Variants in BRF1 observed in about 807,000 individuals in gnomAD.
The protein encoded by BRF1 is transcription factor IIIB 90 kDa subunit.
In BRF1, 59 loss-of-function variants were observed where a neutral mutation model predicts 81.7. That is an observed-to-expected ratio of 0.72 (90% CI 0.59 to 0.90). The LOEUF (loss-of-function observed/expected upper bound fraction) is 0.90. Ranked by LOEUF, BRF1 falls within the 40% of genes least tolerant of loss-of-function variation. The pLI is 0.00. For missense variants in BRF1, 1,050 were observed against 936.3 expected (o/e 1.12, Z -1.58); for synonymous variants, 491 against 395.6 (o/e 1.24, Z -2.86).
intron 2 of BRF1, among the ~76,000 whole-genome samples, chr14:105,282,887 C>T (rs55883508): frequency 0.26 from 38,804 of 151,996 alleles, 5,164 homozygotes; most frequent in South Asian, 0.28. Context: ...GAGCCCAGAT[C>T]GCGCCACTGC....
intron 5 of BRF1, chr14:105,246,793 GT>G: frequency 1.0e-6 from 1 of 983,050 alleles, no homozygotes; most frequent in Non-Finnish European, 1.2e-6. Flanking sequence ...AGTGCAAAGG[GT>G]GGTTTCTTTC....
rs1236937830 is a variant in BRF1, at chr14:105,210,330, C to CTGGGG, written c.*220_*221insCCCCA. On this transcript the variant is annotated 3_prime_UTR_variant, in exon 18 of 18. Coordinates refer to ENST00000547530, the MANE Select transcript of BRF1 (RefSeq NM_001519.4). The surrounding 1 kb of genome is among the most constrained non-coding windows in gnomAD (Gnocchi z 4.7). ...AGCCCTGCACACACCCGGCCCACAT[C>CTGGGG]TGATCACACACATGCAGACGCTTGG... The CTGGGG allele has an allele frequency of 1.4e-4, 84 of 582,494 alleles. No individual in the cohort carries two copies. The East Asian group carries it at 2.4e-3, about 17-fold the overall frequency. 36.1% of individuals were successfully genotyped at this position (582,494 alleles called of 1,614,324 possible).
At chr14:105,314,248 G>C (rs975538938) in intron 1 of BRF1, among the ~76,000 whole-genome samples, 7 of 151,844 alleles carry the variant, frequency 4.6e-5, no homozygotes, top group Non-Finnish European at 1.0e-4. Flanking sequence ...GCGGGGGTCG[G>C]CAGGAGACAA....
chr14:105,310,533 CAAAA>C (rs764203821), intron 1 of BRF1, among the ~76,000 whole-genome samples: 1 of 79,742 alleles, frequency 1.3e-5, no homozygotes. Flanking sequence ...GACTCTGTCT[CAAAA>C]AAAAAAAAAA....
chr14:105,305,946 G>C (rs141402842), upstream of BRF1, among the ~76,000 whole-genome samples: 1 of 152,264 alleles, frequency 6.6e-6, no homozygotes, highest in Non-Finnish European at 1.5e-5. Flanking sequence ...AGTGATCTCC[G>C]CTCTGGCTGT....
intron 2 of BRF1, 64 bp from the exon 3 acceptor site, chr14:105,272,958 G>A (rs909057409): frequency 2.2e-5 from 33 of 1,466,740 alleles, no homozygotes; most frequent in Middle Eastern, 1.8e-4. Context: ...AGTATCACAC[G>A]GCCACAGCAG....
intron 5 of BRF1, chr14:105,247,927 C>T (rs1311652689): frequency 1.0e-6 from 1 of 985,486 alleles, no homozygotes; most frequent in Non-Finnish European, 1.2e-6. Context: ...GCTAGAGGCC[C>T]CACAAGGAGC....
chr14:105,220,508 T>C (rs1892110559), intron 11 of BRF1, among the ~76,000 whole-genome samples: 1 of 152,174 alleles, frequency 6.6e-6, no homozygotes, highest in Admixed American at 6.5e-5. Flanking sequence ...TGGGGGTCTG[T>C]GCTCAGGGGA....
upstream of BRF1, among the ~76,000 whole-genome samples, chr14:105,302,521 C>T (rs2140622759): frequency 6.6e-6 from 1 of 150,472 alleles, no homozygotes; most frequent in South Asian, 2.1e-4. Context: ...TTAATTTCTG[C>T]TCTCATTTTT....
chr14:105,244,504 G>C (rs939310571), intron 5 of BRF1, among the ~76,000 whole-genome samples: 1 of 143,806 alleles, frequency 7.0e-6, no homozygotes, highest in African/African-American at 2.4e-5. Context: ...CAGTGACTAG[G>C]GTGGAGGAGG....
intron 1 of BRF1, among the ~76,000 whole-genome samples, chr14:105,296,612 C>T (rs587712867): frequency 2.9e-4 from 43 of 146,782 alleles, no homozygotes; most frequent in African/African-American, 3.8e-4. Flanking sequence ...ACCTGGGAGG[C>T]GGAGATTGCA....
intron 3 of BRF1, among the ~76,000 whole-genome samples, chr14:105,262,816 C>T (rs1298167591): frequency 6.6e-6 from 1 of 152,144 alleles, no homozygotes; most frequent in Non-Finnish European, 1.5e-5. Context: ...AGTGTCTCAG[C>T]TCGGGCCTCC....
intron 10 of BRF1, among the ~76,000 whole-genome samples, chr14:105,224,408 G>A (rs1156654544): frequency 6.6e-6 from 1 of 152,158 alleles, no homozygotes; most frequent in Non-Finnish European, 1.5e-5. Context: ...GCTCACCAGA[G>A]TGTATATTCA....
chr14:105,214,793 G>C (rs1375151319), intron 15 of BRF1, among the ~76,000 whole-genome samples: 1 of 152,204 alleles, frequency 6.6e-6, no homozygotes, highest in African/African-American at 2.4e-5. Flanking sequence ...TGCCTCCTCA[G>C]CTGAACCCCT....
At chr14:105,265,045 CTTTT>C (rs587772604) in intron 3 of BRF1, among the ~76,000 whole-genome samples, 5 of 135,176 alleles carry the variant, frequency 3.7e-5, no homozygotes, top group Non-Finnish European at 8.1e-5. Context: ...TCTACTTATC[CTTTT>C]TTTTGTTTTT....
intron 1 of BRF1, among the ~76,000 whole-genome samples, chr14:105,309,000 GACAA>G (rs2058272191): frequency 1.3e-5 from 2 of 151,982 alleles, no homozygotes; most frequent in African/African-American, 4.8e-5. Flanking sequence ...AAAAGAAAAA[GACAA>G]ACAAAACCTA....
intron 1 of BRF1, among the ~76,000 whole-genome samples, chr14:105,299,889 G>C (rs904255461): frequency 4.6e-5 from 7 of 152,224 alleles, no homozygotes; most frequent in Non-Finnish European, 5.9e-5. Flanking sequence ...TGTTCACACA[G>C]AGAGCTGCAA....
At chr14:105,214,813 TCCCTCCCCACCAC>T (rs914187771) in intron 15 of BRF1, among the ~76,000 whole-genome samples, 3 of 152,098 alleles carry the variant, frequency 2.0e-5, no homozygotes, top group Non-Finnish European at 2.9e-5. Context: ...TCCTTGATGG[TCCCTCCCCACCAC>T]CCCTCCCCAC....
At chr14:105,250,459 G>A (rs888490474) in intron 5 of BRF1, 23 of 1,613,812 alleles carry the variant, frequency 1.4e-5, no homozygotes, top group Middle Eastern at 1.6e-4. Flanking sequence ...ACACCTTCCC[G>A]GTCTGGTTTG....
Sources: gnomAD v4.1 joint callset for allele counts (sites outside exome capture counted in the v4.1 genomes callset) on GRCh38, gnomAD v4.1.1 for gene constraint, Gnocchi (gnomAD v3.1) non-coding constraint, MANE v1.5 for transcripts, NCBI Gene and HGNC (gene_info 2026-07-23, HGNC 2026-07-21) for gene names.